VWA3A: variants seen among roughly 807,000 people sequenced by gnomAD.
The protein encoded by VWA3A is von Willebrand factor A domain containing 3A.
VWA3A carries 134 observed loss-of-function variants against 160.4 expected under a neutral mutation model. The observed-to-expected ratio is 0.84, with a 90% CI of 0.73 to 0.96. The LOEUF (loss-of-function observed/expected upper bound fraction) is 0.96, where lower values mean the gene tolerates loss of function less well. VWA3A is among the 40% of genes least tolerant of loss of function. The pLI, the probability that VWA3A is intolerant of heterozygous loss-of-function variation, is 0.00. For missense variants in VWA3A, 1,310 were observed against 1,447.9 expected (o/e 0.90, Z 1.55); for synonymous variants, 476 against 543.4 (o/e 0.88, Z 1.72).
intron 8 of VWA3A, among the ~76,000 whole-genome samples, chr16:22,113,340 C>CTCCACAAT (rs1158504676): frequency 7.2e-6 from 1 of 138,356 alleles, no homozygotes; most frequent in Non-Finnish European, 1.5e-5. Context: ...TACAGGTGTG[C>CTCCACAAT]TCCACAATGC....
At chr16:22,121,673 T>C in intron 14 of VWA3A, 56 bp downstream of exon 14, 3 of 1,359,732 alleles carry the variant, frequency 2.2e-6, no homozygotes, top group Non-Finnish European at 3.1e-6. Flanking sequence ...CCTTGTGGCT[T>C]TTCCTACCTT....
chr16:22,102,220 G>A (rs1245407850), intron 5 of VWA3A, among the ~76,000 whole-genome samples: 2 of 152,028 alleles, frequency 1.3e-5, no homozygotes, highest in Non-Finnish European at 2.9e-5. Flanking sequence ...GTGTGGTGGT[G>A]TGCATCTATA....
Position 22,149,747 on chromosome 16 carries a change from C to T in VWA3A, c.2985-40C>T, listed in dbSNP as rs1347351127. Reference sequence around the variant, plus strand: ...GCCTGTTCTAACCAATCTCTTTCTCCCCTTCTCTGCCCCTCACCTCCTCTT... The same window carrying T: ...GCCTGTTCTAACCAATCTCTTTCTCTCCTTCTCTGCCCCTCACCTCCTCTT... On this transcript the variant is annotated intron_variant, in intron 28 of 33. Coordinates refer to ENST00000389398, the MANE Select transcript of VWA3A (RefSeq NM_173615.5). 4 of 1,559,252 alleles carry T rather than the reference C, an allele frequency of 2.6e-6. No homozygotes were observed. The East Asian group carries it at 6.9e-5, about 27-fold the overall frequency.
chr16:22,110,465 G>A (rs556254535), intron 7 of VWA3A, among the ~76,000 whole-genome samples: 8 of 152,290 alleles, frequency 5.3e-5, no homozygotes, highest in Non-Finnish European at 1.2e-4. Flanking sequence ...TCCTCAGGAC[G>A]GAGTTTCCAA....
intron 24 of VWA3A, 39 bp downstream of exon 24, chr16:22,141,731 G>A: frequency 6.5e-7 from 1 of 1,543,792 alleles, no homozygotes; most frequent in Non-Finnish European, 8.8e-7. Flanking sequence ...ACAGCCCCCT[G>A]GCCCTGGGGG....
chr16:22,145,826 T>G (rs2046239901), intron 26 of VWA3A, among the ~76,000 whole-genome samples: 1 of 151,960 alleles, frequency 6.6e-6, no homozygotes, highest in South Asian at 2.1e-4. Context: ...TGTGGGTTTT[T>G]GTTTGTTTGT....
chr16:22,139,735 G>C (rs895421036), intron 22 of VWA3A, among the ~76,000 whole-genome samples: 1 of 152,082 alleles, frequency 6.6e-6, no homozygotes, highest in Admixed American at 6.6e-5. Flanking sequence ...TGAGGTGCCT[G>C]ATAAGGCACA....
At chr16:22,119,089 C>A (rs2141904059) in intron 12 of VWA3A, 62 bp downstream of exon 12, 1 of 1,527,128 alleles carries the variant, frequency 6.5e-7, no homozygotes. Flanking sequence ...GGCCTCGTTC[C>A]CCTTTCTCAC....
chr16:22,135,088 G>T (rs527334421), intron 21 of VWA3A, among the ~76,000 whole-genome samples: 88 of 152,276 alleles, frequency 5.8e-4, no homozygotes, highest in African/African-American at 2.0e-3. Flanking sequence ...TTTAAAAAAG[G>T]TATCTCAGAT....
At chr16:22,116,342 GAAAA>G (rs61136920) in intron 9 of VWA3A, 6 of 370,176 alleles carry the variant, frequency 1.6e-5, no homozygotes, top group Admixed American at 3.1e-5. Flanking sequence ...GAGAGAGAAA[GAAAA>G]AAGAAAAGGA....
intron 6 of VWA3A, among the ~76,000 whole-genome samples, chr16:22,107,773 A>G (rs2045502126): frequency 6.6e-6 from 1 of 151,882 alleles, no homozygotes; most frequent in Non-Finnish European, 1.5e-5. Context: ...GGGACCTGAG[A>G]CTCTGCATTT....
chr16:22,101,782 G>C (rs546247117), intron 5 of VWA3A, among the ~76,000 whole-genome samples: 7 of 152,328 alleles, frequency 4.6e-5, no homozygotes, highest in African/African-American at 1.7e-4. Flanking sequence ...AGGTTTTAAA[G>C]AATTCTGCAA....
intron 1 of VWA3A, among the ~76,000 whole-genome samples, chr16:22,093,866 G>C (rs903096410): frequency 6.6e-6 from 1 of 152,016 alleles, no homozygotes; most frequent in Admixed American, 6.6e-5. Flanking sequence ...CTGGGCTCAA[G>C]TGACCTGCCC....
At position 22,115,999 on chromosome 16, in the gene VWA3A, G is replaced by A. The variant is rs933738119; in HGVS notation, c.815+527G>A. On this transcript the variant is annotated intron_variant, in intron 9 of 33. Coordinates refer to ENST00000389398, the MANE Select transcript of VWA3A (RefSeq NM_173615.5). ...GAGAGAGAGAGAGAGAGGAGAGAGA[G>A]AGAGAGATAAGAAAGAAGAAAGAGA... Among the ~76,000 whole-genome samples the A allele has an allele frequency of 2.7e-5, 4 of 149,000 alleles. 1 individual carries two copies. Among genetic ancestry groups the A allele is most frequent in the African/African-American group, 9.9e-5 (4 of 40,306 alleles).
chr16:22,121,416 C>A, intron 13 of VWA3A, 98 bp from the exon 14 acceptor site: 1 of 1,021,726 alleles, frequency 9.8e-7, no homozygotes, highest in Non-Finnish European at 1.5e-6. Flanking sequence ...TGCACTCTAG[C>A]CTGGGTGACA....
At chr16:22,100,345 C>G (rs1434254908) in intron 4 of VWA3A, 27 bp downstream of exon 4, 2 of 1,551,630 alleles carry the variant, frequency 1.3e-6, no homozygotes, top group Admixed American at 3.9e-5. Context: ...TCCCCGCACC[C>G]CCCACAGCTG....
rs2046273881 is a variant in VWA3A at position 22,147,468 on chromosome 16, GA to G, written c.2840-693del. The G allele has an allele frequency of 2.3e-5, 15 of 666,220 alleles. No homozygotes were observed. The East Asian group carries it at 4.1e-4, about 18-fold the overall frequency. 41.3% of individuals were successfully genotyped at this position (666,220 alleles called of 1,614,324 possible). A position where few individuals can be genotyped will look rare whatever the true frequency, so the allele number is the denominator to read the frequency against. The stretch of plus-strand genomic sequence containing the variant: ...GAGGGGATTCGGGCTATGGGGCCTG[GA>G]GGGTTTCTGGGGCATCAGGAGGAGG... On this transcript the variant is annotated intron_variant, in intron 27 of 33. Coordinates refer to ENST00000389398, the MANE Select transcript of VWA3A (RefSeq NM_173615.5).
At chr16:22,150,634 G>A in intron 29 of VWA3A, 61 bp from the exon 30 acceptor site, 2 of 1,529,650 alleles carry the variant, frequency 1.3e-6, no homozygotes, top group South Asian at 1.3e-5. Flanking sequence ...TTAGGCATTT[G>A]GTTCTTGTGT....
chr16:22,138,293 G>T, intron 21 of VWA3A, 67 bp from the exon 22 acceptor site: 1 of 686,372 alleles, frequency 1.5e-6, no homozygotes, highest in East Asian at 6.0e-5. Flanking sequence ...CCCTCCTGCT[G>T]TGTGTGTGTG....
Sources: gnomAD v4.1 joint callset for allele counts (sites outside exome capture counted in the v4.1 genomes callset) on GRCh38, gnomAD v4.1.1 for gene constraint, MANE v1.5 for transcripts, NCBI Gene and HGNC (gene_info 2026-07-23, HGNC 2026-07-21) for gene names.